The following ZBTB20 variants were observed in gnomAD, a reference collection of about 807,000 sequenced individuals.
The protein encoded by ZBTB20 is zinc finger and BTB domain containing 20, also known as zinc finger and BTB domain-containing protein 20.
A neutral mutation model predicts 56.9 loss-of-function variants in ZBTB20; 9 were observed. The ratio of observed to expected loss-of-function variants is 0.16; its 90% CI spans 0.10 to 0.28. The LOEUF (loss-of-function observed/expected upper bound fraction) is 0.28. ZBTB20 is among the 10% of genes least tolerant of loss of function. The probability of loss-of-function intolerance (pLI) is 1.00; values close to 1 mark genes in which losing one functional copy is unlikely to be tolerated. For missense variants in ZBTB20, 655 were observed against 1,003.0 expected (o/e 0.65, Z 4.69); for synonymous variants, 417 against 420.7 (o/e 0.99, Z 0.11).
intron 2 of ZBTB20, among the ~76,000 whole-genome samples, chr3:115,006,672 C>T (rs960547441): frequency 6.6e-6 from 1 of 151,592 alleles, no homozygotes; most frequent in African/African-American, 2.4e-5. Flanking sequence ...ACCTTAGAGC[C>T]CACCTACCCC....
intron 6 of ZBTB20, among the ~76,000 whole-genome samples, chr3:114,689,915 C>T (rs1018386830): frequency 5.3e-5 from 8 of 151,806 alleles, no homozygotes; most frequent in African/African-American, 1.7e-4. Context: ...TCAAGCCATC[C>T]GATATAGTTC....
intron 4 of ZBTB20, among the ~76,000 whole-genome samples, chr3:114,893,714 G>GAA (rs147811498): frequency 1.2e-4 from 18 of 148,368 alleles, no homozygotes; most frequent in East Asian, 2.0e-4. Flanking sequence ...GGTAAATAGT[G>GAA]AAAAAAAAAA....
At chr3:114,761,627 G>C (rs766401741) in intron 5 of ZBTB20, among the ~76,000 whole-genome samples, 1 of 152,070 alleles carries the variant, frequency 6.6e-6, no homozygotes, top group African/African-American at 2.4e-5. Flanking sequence ...CTGAAGTCAG[G>C]AGTTCGAGAC....
chr3:114,931,426 T>G lies in ZBTB20; in HGVS notation c.-455-31084A>C, dbSNP rs558190298. The G allele has an allele frequency of 5.7e-5, 12 of 211,046 alleles. No homozygotes were observed. In the East Asian group the frequency reaches 1.5e-3, roughly 26 times the overall value. The allele number at this position is 211,046 out of a possible 1,614,324, so 13.1% of individuals were successfully genotyped here. ...AGCAGCCAGTCCACCAGTCAAGAATTCTGCACCCGAGGCAGAAGAAGGTTG... is the reference window on the plus strand; with the variant it reads ...AGCAGCCAGTCCACCAGTCAAGAATGCTGCACCCGAGGCAGAAGAAGGTTG... On this transcript the variant is annotated intron_variant, in intron 3 of 11. Coordinates refer to ENST00000675478, the MANE Select transcript of ZBTB20 (RefSeq NM_001348800.3).
chr3:114,561,864 C>T (rs980554442), intron 6 of ZBTB20, among the ~76,000 whole-genome samples: 1 of 152,056 alleles, frequency 6.6e-6, no homozygotes, highest in Non-Finnish European at 1.5e-5. Context: ...TATAAAAACC[C>T]TAAATGGCAT....
intron 5 of ZBTB20, among the ~76,000 whole-genome samples, chr3:114,793,339 A>C (rs2071105881): frequency 6.6e-6 from 1 of 152,132 alleles, no homozygotes; most frequent in Admixed American, 6.6e-5. Flanking sequence ...TTATTGGTCT[A>C]ATAATTACAA....
At chr3:114,940,766 G>T (rs1473492392) in intron 3 of ZBTB20, among the ~76,000 whole-genome samples, 1 of 146,208 alleles carries the variant, frequency 6.8e-6, no homozygotes, top group Non-Finnish European at 1.5e-5. Flanking sequence ...ATTTCATAAT[G>T]GTTCAAGGAT....
intron 3 of ZBTB20, among the ~76,000 whole-genome samples, chr3:114,960,522 A>T (rs921002916): frequency 6.6e-6 from 1 of 152,264 alleles, no homozygotes; most frequent in African/African-American, 2.4e-5. Context: ...GGAAGATTTC[A>T]TAACGTTTAC....
rs554349487 is a variant in ZBTB20 at position 115,072,128 on chromosome 3, C to A, written c.-702-714G>T. Among the ~76,000 whole-genome samples the A allele has an allele frequency of 1.7e-4, 26 of 152,288 alleles. No individual in the cohort carries two copies. The South Asian group carries it at 5.2e-3, about 30-fold the overall frequency. On this transcript the variant is annotated intron_variant, in intron 1 of 11. Transcript: ENST00000675478. The stretch of plus-strand genomic sequence containing the variant: ...TGCAATTCACCCACATTTAAACATT[C>A]TTGCGAGTAAAAGAAATTTGAATAA...
intron 5 of ZBTB20, among the ~76,000 whole-genome samples, chr3:114,764,423 A>T (rs1343362221): frequency 1.3e-5 from 2 of 152,164 alleles, no homozygotes; most frequent in Non-Finnish European, 2.9e-5. Flanking sequence ...CGGTGCCCTC[A>T]GAACCACATG....
At chr3:114,919,796 T>C (rs1308559337) in intron 3 of ZBTB20, among the ~76,000 whole-genome samples, 1 of 151,400 alleles carries the variant, frequency 6.6e-6, no homozygotes, top group Non-Finnish European at 1.5e-5. Flanking sequence ...TAAATGTAAA[T>C]GGATTAAATT....
intron 7 of ZBTB20, among the ~76,000 whole-genome samples, chr3:114,467,846 A>G (rs2092612074): frequency 6.6e-6 from 1 of 152,192 alleles, no homozygotes; most frequent in Admixed American, 6.5e-5. Context: ...TTCAGGAAGT[A>G]TTTTTGAGCA....
chr3:115,057,573 A>C (rs1357833210), intron 2 of ZBTB20, among the ~76,000 whole-genome samples: 1 of 152,160 alleles, frequency 6.6e-6, no homozygotes, highest in African/African-American at 2.4e-5. Flanking sequence ...GTTACCTTTT[A>C]AATAAAATTT....
intron 7 of ZBTB20, among the ~76,000 whole-genome samples, chr3:114,436,577 C>T (rs1380577782): frequency 1.3e-5 from 2 of 152,140 alleles, no homozygotes; most frequent in Non-Finnish European, 2.9e-5. Context: ...CCTGTTAAGG[C>T]CTTGGCTATC....
chr3:114,485,657 T>G (rs138092249), intron 7 of ZBTB20, among the ~76,000 whole-genome samples: 1 of 152,156 alleles, frequency 6.6e-6, no homozygotes, highest in East Asian at 1.9e-4. Context: ...AGAGGTGGAG[T>G]CTTTAGGAAG....
At chr3:114,912,673 T>C (rs1394801249) in intron 3 of ZBTB20, among the ~76,000 whole-genome samples, 1 of 152,102 alleles carries the variant, frequency 6.6e-6, no homozygotes, top group Admixed American at 6.6e-5. Flanking sequence ...AGTCACCCTG[T>C]TGGGTGATCA....
At chr3:114,822,395 T>A (rs112521681) in intron 4 of ZBTB20, among the ~76,000 whole-genome samples, 1 of 27,254 alleles carries the variant, frequency 3.7e-5, no homozygotes, top group Non-Finnish European at 4.9e-4. Context: ...ATTAGGTCAT[T>A]AAAAAAACAC....
intron 2 of ZBTB20, among the ~76,000 whole-genome samples, chr3:115,064,312 C>T (rs190423582): frequency 1.9e-3 from 285 of 151,998 alleles, no homozygotes; most frequent in African/African-American, 6.6e-3. Context: ...GAAACAATTC[C>T]GGAGAAAGCA....
At position 114,988,448 on chromosome 3, in the gene ZBTB20, G is replaced by A. The variant is rs574470272; in HGVS notation, c.-506-14032C>T. Among the ~76,000 whole-genome samples the A allele has an allele frequency of 2.5e-3, 384 of 152,042 alleles. 1 individual carries two copies. The highest frequency in any genetic ancestry group is 9.0e-3 in the African/African-American group (375 of 41,450). ...ACATGAACTCATCTTTTTTATGGCTGCATAGTATTCCATGGTGTATATGTG... is the reference window on the plus strand; with the variant it reads ...ACATGAACTCATCTTTTTTATGGCTACATAGTATTCCATGGTGTATATGTG... On this transcript the variant is annotated intron_variant, in intron 2 of 11. Transcript: ENST00000675478.
Sources: gnomAD v4.1 joint callset for allele counts (sites outside exome capture counted in the v4.1 genomes callset) on GRCh38, gnomAD v4.1.1 for gene constraint, MANE v1.5 for transcripts, NCBI Gene and HGNC (gene_info 2026-07-23, HGNC 2026-07-21) for gene names.